OSBPL9: variants seen among roughly 807,000 people sequenced by gnomAD.
The protein encoded by OSBPL9 is oxysterol-binding protein-related protein 9.
A neutral mutation model predicts 106.6 loss-of-function variants in OSBPL9; 40 were observed. The ratio of observed to expected loss-of-function variants is 0.38; its 90% CI spans 0.29 to 0.49. OSBPL9 has a LOEUF of 0.49. Among genes scored for constraint, OSBPL9 ranks in the 20% least tolerant of loss-of-function variants. OSBPL9 has a pLI of 0.97. For synonymous variants in OSBPL9, 269 were observed against 295.4 expected (o/e 0.91, Z 0.92); for missense variants, 609 against 887.2 (o/e 0.69, Z 3.98).
At chr1:51,772,838 T>G (rs1014043378) in intron 14 of OSBPL9, 115 bp downstream of exon 14, 23 of 755,726 alleles carry the variant, frequency 3.0e-5, no homozygotes, top group African/African-American at 1.9e-4. Flanking sequence ...TACCTGTGTC[T>G]TCTTGTGATT....
intron 9 of OSBPL9, among the ~76,000 whole-genome samples, chr1:51,758,995 A>G (rs1670943309): frequency 6.6e-6 from 1 of 152,148 alleles, no homozygotes; most frequent in South Asian, 2.1e-4. Flanking sequence ...AGACCGGGAA[A>G]CTGAGGCCCA....
At chr1:51,633,760 C>T (rs983009666) in intron 1 of OSBPL9, among the ~76,000 whole-genome samples, 1 of 151,966 alleles carries the variant, frequency 6.6e-6, no homozygotes, top group African/African-American at 2.4e-5. Context: ...TACCTGGGAC[C>T]ACAGGTGTGA....
the OSBPL9 span, among the ~76,000 whole-genome samples, chr1:51,527,974 A>G: frequency 7.8e-6 from 1 of 128,220 alleles, no homozygotes. Flanking sequence ...AAAAAAAAAA[A>G]TTAGCCAGGG....
Position 51,669,424 on chromosome 1 carries a change from T to C in OSBPL9, c.163-10T>C, listed in dbSNP as rs1399190098. 1 of 1,613,112 alleles carries C rather than the reference T, an allele frequency of 6.2e-7. No homozygotes were observed. The highest frequency in any genetic ancestry group is 8.5e-7 in the Non-Finnish European group (1 of 1,179,360). On this transcript the variant is annotated splice_polypyrimidine_tract_variant and intron_variant, in intron 2 of 23. Transcript: ENST00000428468. ...TTTGCCTTATTGGGATTTTGCTCTT[T>C]GTTTCACAGGGAGCTGTGATTGGTA...
At chr1:51,558,791 G>C in the OSBPL9 span, among the ~76,000 whole-genome samples, 1 of 152,286 alleles carries the variant, frequency 6.6e-6, no homozygotes, top group African/African-American at 2.4e-5. Context: ...TGTTCTCAGT[G>C]CCCCGGCTTT....
At chr1:51,711,782 G>A (rs1481386874) in intron 3 of OSBPL9, among the ~76,000 whole-genome samples, 6 of 148,886 alleles carry the variant, frequency 4.0e-5, no homozygotes, top group African/African-American at 1.5e-4. Flanking sequence ...ATGGGGCGGC[G>A]GGGCAGAGGC....
the OSBPL9 span, among the ~76,000 whole-genome samples, chr1:51,548,962 C>T: frequency 6.6e-6 from 1 of 152,194 alleles, no homozygotes; most frequent in African/African-American, 2.4e-5. Context: ...TCACCATCCA[C>T]ACCAGTCCTC....
chr1:51,597,423 A>G (rs538786071), intron 1 of OSBPL9, among the ~76,000 whole-genome samples: 83 of 135,836 alleles, frequency 6.1e-4, no homozygotes, highest in African/African-American at 1.7e-3. Context: ...ATATATATAT[A>G]TGTGTGTGTG....
At chr1:51,765,532 C>T (rs1376369694) in intron 11 of OSBPL9, 5 of 195,332 alleles carry the variant, frequency 2.6e-5, no homozygotes, top group Non-Finnish European at 3.1e-5. Context: ...AACTCCACAA[C>T]TCATATAATC....
chr1:51,749,862 T>G (rs1185496956), intron 7 of OSBPL9, among the ~76,000 whole-genome samples: 1 of 149,126 alleles, frequency 6.7e-6, no homozygotes, highest in Non-Finnish European at 1.5e-5. Flanking sequence ...ATCAGCATAG[T>G]GAGACCTTGT....
rs1671583030 is a variant in OSBPL9 at position 51,761,860 on chromosome 1, CTCCT to C, written c.674-6_674-3del. 6.3e-7 allele frequency: 1 copy of C among 1,596,600 alleles called. No individual in the cohort carries two copies. Among genetic ancestry groups the C allele is most frequent in the African/African-American group, 1.3e-5 (1 of 74,486 alleles). ...TGTACCTTATTTTATACGTTCAAAT[CTCCT>C]AGAACCTGTTCAGTTGTGTAAGTCA... On this transcript the variant is annotated splice_polypyrimidine_tract_variant and splice_region_variant and intron_variant, in intron 10 of 23. Coordinates refer to ENST00000428468, the MANE Select transcript of OSBPL9 (RefSeq NM_024586.6).
At chr1:51,550,899 G>A in the OSBPL9 span, among the ~76,000 whole-genome samples, 1 of 152,186 alleles carries the variant, frequency 6.6e-6, no homozygotes, top group African/African-American at 2.4e-5. Context: ...TTTATTTACT[G>A]ATAACTAATT....
chr1:51,593,927 C>CAT (rs2148602087), intron 1 of OSBPL9, among the ~76,000 whole-genome samples: 2 of 151,884 alleles, frequency 1.3e-5, no homozygotes, highest in South Asian at 4.2e-4. Context: ...CACACACACA[C>CAT]ACACACACAC....
chr1:51,735,066 T>C (rs565407102), intron 4 of OSBPL9, among the ~76,000 whole-genome samples: 10 of 152,342 alleles, frequency 6.6e-5, no homozygotes, highest in Admixed American at 3.3e-4. Context: ...GGCTGACTTT[T>C]ACAGCTTTCA....
At chr1:51,614,350 A>G (rs1381559005), upstream of OSBPL9, 2 of 151,896 alleles carry the variant, frequency 1.3e-5, no homozygotes, top group Non-Finnish European at 2.9e-5. Flanking sequence ...GTGCAGTGAC[A>G]TGATCTTGGC....
intron 1 of OSBPL9, among the ~76,000 whole-genome samples, chr1:51,595,272 G>A (rs74390744): frequency 0.024 from 3,631 of 152,220 alleles, 55 homozygotes; most frequent in Non-Finnish European, 0.036. Context: ...CCTCTGGGGT[G>A]CTCGACTTTG....
At chr1:51,691,469 G>A (rs1002877722) in intron 3 of OSBPL9, among the ~76,000 whole-genome samples, 39 of 151,256 alleles carry the variant, frequency 2.6e-4, no homozygotes, top group Non-Finnish European at 7.4e-5. Context: ...TAGTAGACAC[G>A]GGGTTTCACT....
intron 3 of OSBPL9, among the ~76,000 whole-genome samples, chr1:51,713,763 G>A (rs1187519580): frequency 6.6e-6 from 1 of 152,022 alleles, no homozygotes; most frequent in Non-Finnish European, 1.5e-5. Flanking sequence ...TCAGTGGGAA[G>A]GTTGGTCTGA....
chr1:51,772,762 T>C, intron 14 of OSBPL9, 39 bp downstream of exon 14: 1 of 1,398,498 alleles, frequency 7.2e-7, no homozygotes, highest in South Asian at 1.2e-5. Context: ...TGGGTATGTA[T>C]GGATTCTCAG....
Sources: allele counts gnomAD v4.1 joint callset (sites outside exome capture counted in the v4.1 genomes callset), GRCh38; gene constraint gnomAD v4.1.1; transcripts MANE v1.5; gene names NCBI Gene and HGNC (gene_info 2026-07-23, HGNC 2026-07-21).